Variants in PTCHD4 observed in about 807,000 individuals in gnomAD.
PTCHD4 encodes the protein patched domain containing 4, also known as patched domain-containing protein 4.
In PTCHD4, 33 loss-of-function variants were observed where a neutral mutation model predicts 58.1. That is an observed-to-expected ratio of 0.57 (90% CI 0.43 to 0.76). PTCHD4 has a LOEUF of 0.76. PTCHD4 is among the 30% of genes least tolerant of loss of function. The pLI is 0.00. For missense variants in PTCHD4, 1,058 were observed against 1,027.1 expected (o/e 1.03, Z -0.41); for synonymous variants, 478 against 409.6 (o/e 1.17, Z -2.02).
At chr6:48,013,375 GTT>G (rs5876042) in intron 3 of PTCHD4, among the ~76,000 whole-genome samples, 45 of 145,422 alleles carry the variant, frequency 3.1e-4, no homozygotes, top group South Asian at 8.7e-4. Context: ...TTTCAGTTGA[GTT>G]TTTTTTTTTT....
intron 1 of PTCHD4, among the ~76,000 whole-genome samples, chr6:48,092,662 G>C (rs1245674029): frequency 3.9e-5 from 6 of 152,210 alleles, no homozygotes; most frequent in African/African-American, 1.4e-4. Flanking sequence ...CCAAAATGGG[G>C]GTACCAAACA....
rs1033599125 is a variant in PTCHD4, at chr6:47,860,256, T to C, written c.*18047A>G. Among the ~76,000 whole-genome samples, 7 of 152,054 alleles carry C rather than the reference T, an allele frequency of 4.6e-5. No homozygotes were observed. Among genetic ancestry groups the C allele is most frequent in the African/African-American group, 1.7e-4 (7 of 41,448 alleles). On this transcript the variant is annotated 3_prime_UTR_variant, in exon 5 of 5. Coordinates refer to ENST00000339488, the MANE Select transcript of PTCHD4 (RefSeq NM_001384253.1). ...CAATTTAAAGGTAGAAAACACATCA[T>C]ACTTTTTCTTCATCCCATATAGCAC... is the stretch of plus-strand genomic sequence containing the variant.
At chr6:48,106,929 G>A (rs9463373) in intron 1 of PTCHD4, among the ~76,000 whole-genome samples, 23,830 of 151,954 alleles carry the variant, frequency 0.16, 1,925 homozygotes, top group African/African-American at 0.21. Context: ...AACTACAAAC[G>A]ACTGCTCAAT....
At chr6:48,065,800 A>C (rs927421348) in intron 3 of PTCHD4, among the ~76,000 whole-genome samples, 7 of 152,250 alleles carry the variant, frequency 4.6e-5, no homozygotes, top group Non-Finnish European at 8.8e-5. Context: ...AGAGAGAGTT[A>C]AGACAACACA....
Position 47,871,837 on chromosome 6 carries a change from A to G in PTCHD4, c.*6466T>C, listed in dbSNP as rs930102080. ...CTGCTGAAAAATATGCATAATTAAC[A>G]GGAAAGTATAATAAAGTTGTTGCTT... On this transcript the variant is annotated 3_prime_UTR_variant, in exon 5 of 5. Transcript: ENST00000339488. Among the ~76,000 whole-genome samples the G allele has an allele frequency of 3.3e-5, 5 of 151,624 alleles. No individual in the cohort carries two copies. The highest frequency in any genetic ancestry group is 1.2e-4 in the African/African-American group (5 of 41,372).
intron 4 of PTCHD4, among the ~76,000 whole-genome samples, chr6:47,887,866 A>T (rs1334972261): frequency 2.0e-5 from 3 of 152,210 alleles, no homozygotes; most frequent in African/African-American, 7.2e-5. Context: ...CTTGGTTCTT[A>T]TATAGCCCAC....
chr6:48,006,560 C>T (rs575871690), intron 4 of PTCHD4, among the ~76,000 whole-genome samples: 4 of 152,140 alleles, frequency 2.6e-5, no homozygotes, highest in Admixed American at 2.6e-4. Flanking sequence ...TTATTTCAAG[C>T]GATGAGACTT....
intron 4 of PTCHD4, among the ~76,000 whole-genome samples, chr6:47,944,081 A>G (rs1012577112): frequency 5.9e-5 from 9 of 152,140 alleles, no homozygotes. Flanking sequence ...GGGCAGAAGT[A>G]GATGATTTTG....
intron 1 of PTCHD4, among the ~76,000 whole-genome samples, chr6:48,089,335 G>C (rs1765320538): frequency 1.3e-5 from 2 of 152,200 alleles, no homozygotes; most frequent in Non-Finnish European, 1.5e-5. Context: ...CACAAATTAA[G>C]TAGTGGAATA....
intron 4 of PTCHD4, among the ~76,000 whole-genome samples, chr6:47,922,713 G>A (rs901172602): frequency 1.3e-5 from 2 of 152,180 alleles, no homozygotes; most frequent in African/African-American, 4.8e-5. Flanking sequence ...TTCACCAGTA[G>A]GCTCAGCTCA....
At chr6:48,055,364 TG>T (rs1308752095) in intron 3 of PTCHD4, among the ~76,000 whole-genome samples, 1 of 152,170 alleles carries the variant, frequency 6.6e-6, no homozygotes, top group Non-Finnish European at 1.5e-5. Flanking sequence ...GAGGGAAAGA[TG>T]GGGAGTGAGA....
At chr6:47,905,242 G>A (rs561897819) in intron 4 of PTCHD4, among the ~76,000 whole-genome samples, 4 of 152,210 alleles carry the variant, frequency 2.6e-5, no homozygotes, top group East Asian at 1.9e-4. Flanking sequence ...AGGCAAAAAC[G>A]TGGTAGATTT....
chr6:47,957,261 A>T (rs1000270742), intron 4 of PTCHD4, among the ~76,000 whole-genome samples: 1 of 147,978 alleles, frequency 6.8e-6, no homozygotes, highest in Non-Finnish European at 1.5e-5. Context: ...ATATATATAT[A>T]ATATATATAT....
Position 47,879,010 on chromosome 6 carries a change from C to T in PTCHD4, c.1825G>A (p.Ala609Thr), listed in dbSNP as rs754898461. ...TTCTGCTTGTCTCTGCTAGTCCTGG[C>T]CACCAGATACAAGCGAGAAGCAATG... is the stretch of plus-strand genomic sequence containing the variant. ...NIIASRLYLV[A>T]RTSRDKQKEI... Residue 609 changes from alanine to threonine, a missense_variant, in exon 5 of 5, where the codon GCC becomes ACC. Ala to Thr is a moderately conservative substitution (Grantham distance 58). Transcript: ENST00000339488. 9.9e-6 allele frequency: 16 copies of T among 1,613,386 alleles called. No homozygotes were observed. In the South Asian group the frequency reaches 1.8e-4, roughly 18 times the overall value.
intron 4 of PTCHD4, among the ~76,000 whole-genome samples, chr6:47,957,507 T>A (rs1766908891): frequency 1.3e-5 from 2 of 151,424 alleles, no homozygotes; most frequent in South Asian, 2.1e-4. Flanking sequence ...TATCCTATGT[T>A]CCTATCCTAC....
At chr6:48,010,249 G>A (rs1220537407) in intron 3 of PTCHD4, among the ~76,000 whole-genome samples, 2 of 152,176 alleles carry the variant, frequency 1.3e-5, no homozygotes, top group Non-Finnish European at 2.9e-5. Flanking sequence ...AACTGAACCT[G>A]CCAAGATGTT....
chr6:47,975,846 A>T (rs1227216657), intron 4 of PTCHD4, among the ~76,000 whole-genome samples: 1 of 152,152 alleles, frequency 6.6e-6, no homozygotes, highest in Non-Finnish European at 1.5e-5. Flanking sequence ...GGCCATTTGT[A>T]CATAAGGTAA....
chr6:47,885,662 G>A (rs992546512), intron 4 of PTCHD4, among the ~76,000 whole-genome samples: 14 of 152,268 alleles, frequency 9.2e-5, no homozygotes, highest in African/African-American at 3.4e-4. Flanking sequence ...GACTTCTAAA[G>A]TAAGATGGTT....
intron 1 of PTCHD4, among the ~76,000 whole-genome samples, chr6:48,109,199 A>T (rs537821220): frequency 1.3e-5 from 2 of 152,204 alleles, no homozygotes; most frequent in South Asian, 2.1e-4. Context: ...TTGTCTAATA[A>T]TTCTTTTTAT....
Sources: allele counts gnomAD v4.1 joint callset (sites outside exome capture counted in the v4.1 genomes callset), GRCh38; gene constraint gnomAD v4.1.1; transcripts MANE v1.5; gene names NCBI Gene and HGNC (gene_info 2026-07-23, HGNC 2026-07-21).